Variants in CACNA1H observed in about 807,000 individuals in gnomAD.
CACNA1H encodes calcium voltage-gated channel subunit alpha1 H, also known as voltage-dependent T-type calcium channel subunit alpha-1H.
A neutral mutation model predicts 192.5 loss-of-function variants in CACNA1H; 149 were observed. The observed-to-expected ratio is 0.77, with a 90% CI of 0.68 to 0.89. The LOEUF is 0.89. CACNA1H is among the 40% of genes least tolerant of loss of function. CACNA1H has a pLI of 0.00. For missense variants in CACNA1H, 4,257 were observed against 3,423.5 expected, an observed-to-expected ratio of 1.24 and a Z score of -6.08; for synonymous variants, 2,202 against 1,475.2, an observed-to-expected ratio of 1.49 and a Z score of -11.29.
chr16:1,154,065 G>C, intron 2 of CACNA1H, 29 bp downstream of exon 2: 1 of 933,718 alleles, frequency 1.1e-6, no homozygotes, highest in Non-Finnish European at 1.4e-6. Context: ...GGGGGGCGGG[G>C]GGCGGGGGGC....
chr16:1,214,883 G>C, intron 27 of CACNA1H, 89 bp from the exon 28 acceptor site: 1 of 991,352 alleles, frequency 1.0e-6, no homozygotes, highest in Non-Finnish European at 1.5e-6. Flanking sequence ...GGGCCGGCCA[G>C]CGGGGGCACT....
chr16:1,175,500 C>T (rs1284002922), intron 2 of CACNA1H, among the ~76,000 whole-genome samples: 1 of 152,096 alleles, frequency 6.6e-6, no homozygotes, highest in Non-Finnish European at 1.5e-5. Flanking sequence ...ACCCCTGCCC[C>T]TCCACCCTGT....
chr16:1,217,895 C>A, intron 31 of CACNA1H, 24 bp from the exon 32 acceptor site: 2 of 1,579,402 alleles, frequency 1.3e-6, no homozygotes, highest in East Asian at 2.3e-5. Context: ...CTCGGCTGAC[C>A]GGGCGGGGTC....
In CACNA1H at chr16:1,195,202, C is replaced by CG. The variant is rs537790005; in HGVS notation, c.411+123dup. ...GGTGGGGCGTGGAGTGGGTCAGGGT[C>CG]GGGGATCAGGGCGAGGTTCACGGCG... On this transcript the variant is annotated intron_variant, in intron 3 of 34. Coordinates refer to ENST00000348261, the MANE Select transcript of CACNA1H (RefSeq NM_021098.3). The CG allele has an allele frequency of 2.4e-3, 851 of 353,748 alleles. 13 individuals carry two copies. In the South Asian group the frequency reaches 0.028, roughly 12 times the overall value. 21.9% of individuals were successfully genotyped at this position (353,748 alleles called of 1,614,324 possible).
At chr16:1,175,533 C>G (rs912133056) in intron 2 of CACNA1H, among the ~76,000 whole-genome samples, 1 of 152,192 alleles carries the variant, frequency 6.6e-6, no homozygotes, top group Non-Finnish European at 1.5e-5. Flanking sequence ...CTAAGCACCA[C>G]CCACTCTAGG....
chr16:1,201,563 T>C, intron 8 of CACNA1H, 100 bp from the exon 9 acceptor site: 19 of 1,395,106 alleles, frequency 1.4e-5, no homozygotes, highest in Non-Finnish European at 1.7e-5. Flanking sequence ...ACTGTGCCTG[T>C]GACGCGGCCC....
chr16:1,192,580 C>T (rs1966719131), intron 2 of CACNA1H, among the ~76,000 whole-genome samples: 1 of 152,220 alleles, frequency 6.6e-6, no homozygotes, highest in African/African-American at 2.4e-5. Flanking sequence ...AGCTCAAAGT[C>T]CTGAGCTGGC....
intron 18 of CACNA1H, 47 bp from the exon 19 acceptor site, chr16:1,210,323 C>T (rs951335390): frequency 6.1e-6 from 9 of 1,478,986 alleles, no homozygotes; most frequent in Non-Finnish European, 8.2e-6. Context: ...TCCACTCTGC[C>T]ATCCACGCCG....
Position 1,197,304 on chromosome 16 carries a change from G to C in CACNA1H, c.643+1281G>C, listed in dbSNP as rs376070495. On this transcript the variant is annotated intron_variant, in intron 5 of 34. Coordinates refer to ENST00000348261, the MANE Select transcript of CACNA1H (RefSeq NM_021098.3). ...CGTGCGGTGAGGGGACGCGTGTGTGGCTCTTGGCCCTTTGCCCGGCACCCA... is the reference window on the plus strand; with the variant it reads ...CGTGCGGTGAGGGGACGCGTGTGTGCCTCTTGGCCCTTTGCCCGGCACCCA... Among the ~76,000 whole-genome samples the C allele has an allele frequency of 6.3e-4, 96 of 152,368 alleles. 1 individual carries two copies. The highest frequency in any genetic ancestry group is 2.2e-3 in the African/African-American group (92 of 41,586).
Position 1,218,384 on chromosome 16 carries a change from G to C in CACNA1H, c.5620G>C (p.Ala1874Pro). 1.9e-6 allele frequency: 3 copies of C among 1,560,788 alleles called. No individual in the cohort carries two copies. Among genetic ancestry groups the C allele is most frequent in the Non-Finnish European group, 2.6e-6 (3 of 1,153,448 alleles). ...EESNKEAREDAELDAEIELEM... is the reference protein window; with the variant it reads ...EESNKEAREDPELDAEIELEM... ...GAGCAACAAGGAGGCACGGGAGGAT[G>C]CGGAGCTGGACGCCGAGATCGAGCT... Residue 1874 changes from alanine to proline, a missense_variant, in exon 33 of 35, where the codon GCG becomes CCG. Coordinates refer to ENST00000348261, the MANE Select transcript of CACNA1H (RefSeq NM_021098.3).
chr16:1,210,350 A>ACCCCCCCCCCCCCCCC lies in CACNA1H; in HGVS notation c.3846-17_3846-16insCCCCCCCCCCCCCCCC. The ACCCCCCCCCCCCCCCC allele has an allele frequency of 6.4e-6, 2 of 313,944 alleles. No individual in the cohort carries two copies. Among genetic ancestry groups the ACCCCCCCCCCCCCCCC allele is most frequent in the East Asian group, 1.0e-4 (1 of 9,778 alleles). The allele number at this position is 313,944 out of a possible 1,614,324, so 19.4% of individuals were successfully genotyped here. On this transcript the variant is annotated intron_variant, in intron 18 of 34. Coordinates refer to ENST00000348261, the MANE Select transcript of CACNA1H (RefSeq NM_021098.3). ...TCCACGCCGCCCCGCCCCACCTCTC[A>ACCCCCCCCCCCCCCCC]CCCGCCCCCGCCCACCCAGGTTCCG...
chr16:1,176,394 G>A (rs907700021), intron 2 of CACNA1H, among the ~76,000 whole-genome samples: 21 of 152,194 alleles, frequency 1.4e-4, no homozygotes, highest in South Asian at 8.3e-4. Flanking sequence ...GGCTGTCCCC[G>A]CAGAGTGGGG....
intron 2 of CACNA1H, among the ~76,000 whole-genome samples, chr16:1,187,150 T>G (rs939245207): frequency 6.6e-6 from 1 of 152,260 alleles, no homozygotes; most frequent in African/African-American, 2.4e-5. Context: ...TAGGTCGTCT[T>G]CTTGAGCAAA....
At chr16:1,198,805 G>C in intron 6 of CACNA1H, 31 bp downstream of exon 6, 1 of 1,584,102 alleles carries the variant, frequency 6.3e-7, no homozygotes, top group Non-Finnish European at 8.6e-7. Context: ...TGAGGCCCCT[G>C]CCCAGATGGC....
At chr16:1,160,771 G>A (rs967535088) in intron 2 of CACNA1H, among the ~76,000 whole-genome samples, 4 of 152,174 alleles carry the variant, frequency 2.6e-5, no homozygotes, top group African/African-American at 7.2e-5. Flanking sequence ...GCTGCCGCCC[G>A]GTCGCTTGCC....
At position 1,164,831 on chromosome 16, in the gene CACNA1H, C is replaced by T. The variant is rs1444138261; in HGVS notation, c.299+10795C>T. On this transcript the variant is annotated intron_variant, in intron 2 of 34. Transcript: ENST00000348261. Reference sequence around the variant, plus strand: ...CTGCTTGGGGTGGAGGGCGGCTGTCCACAGCCCTGGGGTCTGGAGGAGGTG... The same window carrying T: ...CTGCTTGGGGTGGAGGGCGGCTGTCTACAGCCCTGGGGTCTGGAGGAGGTG... 2.6e-5 allele frequency among the ~76,000 whole-genome samples: 4 copies of T among 152,142 alleles called. No individual in the cohort carries two copies. The South Asian group carries it at 6.2e-4, about 24-fold the overall frequency.
intron 2 of CACNA1H, among the ~76,000 whole-genome samples, chr16:1,159,260 G>A (rs976055090): frequency 6.6e-6 from 1 of 152,218 alleles, no homozygotes; most frequent in South Asian, 2.1e-4. Flanking sequence ...CCCCTCGGAC[G>A]GTGGGGTGGG....
chr16:1,208,186 T>G lies in CACNA1H; in HGVS notation c.3328T>G (p.Ser1110Ala). Residue 1110 changes from serine to alanine, a missense_variant, in exon 16 of 35, where the codon TCC becomes GCC. Physicochemically the swap from Ser to Ala is moderately conservative, Grantham distance 99 (BLOSUM62 1). Transcript: ENST00000348261. ...LPDSRRGSSS[S>A]GDPPLGDQKP... ...AGACTCTCGGCGTGGCAGCAGCAGC[T>G]CCGGGGACCCGCCACTGGGAGACCA... 6.5e-7 allele frequency: 1 copy of G among 1,546,456 alleles called. No homozygotes were observed. The highest frequency in any genetic ancestry group is 8.7e-7 in the Non-Finnish European group (1 of 1,148,622).
intron 2 of CACNA1H, among the ~76,000 whole-genome samples, chr16:1,183,315 C>G (rs563953998): frequency 4.1e-4 from 62 of 152,286 alleles, no homozygotes; most frequent in Middle Eastern, 6.8e-3. Flanking sequence ...GGACCTCACC[C>G]CTTCCTGAGT....
Sources: allele counts gnomAD v4.1 joint callset (sites outside exome capture counted in the v4.1 genomes callset), GRCh38; gene constraint gnomAD v4.1.1; transcripts MANE v1.5; gene names NCBI Gene and HGNC (gene_info 2026-07-23, HGNC 2026-07-21).